Variants in MNAT1 observed in about 807,000 individuals in gnomAD.
MNAT1 encodes the protein MNAT1 component of CDK activating kinase.
Under a neutral mutation model 42.0 loss-of-function variants are expected in MNAT1, and 43 were observed. The observed-to-expected ratio is 1.02, with a 90% confidence interval of 0.80 to 1.32. The LOEUF is 1.32. MNAT1 is among the 40% of genes most tolerant of loss of function. MNAT1 has a pLI of 0.00. For synonymous variants in MNAT1, 118 were observed against 120.0 expected (o/e 0.98, Z 0.11); for missense variants, 306 against 350.4 (o/e 0.87, Z 1.01).
chr14:60,844,064 G>A (rs1594796605), intron 6 of MNAT1, among the ~76,000 whole-genome samples: 1 of 152,104 alleles, frequency 6.6e-6, no homozygotes, highest in African/African-American at 2.4e-5. Flanking sequence ...CATATTTGGT[G>A]CCTTTGTTGA....
chr14:60,822,517 C>G (rs540917866), intron 6 of MNAT1, among the ~76,000 whole-genome samples: 3 of 151,934 alleles, frequency 2.0e-5, no homozygotes, highest in Non-Finnish European at 4.4e-5. Context: ...TAGCCTACTT[C>G]TGGGCTCAAG....
chr14:60,897,590 G>T (rs528580741), intron 7 of MNAT1, among the ~76,000 whole-genome samples: 1 of 152,090 alleles, frequency 6.6e-6, no homozygotes, highest in South Asian at 2.1e-4. Context: ...CCAAAATTCT[G>T]CAGAATGAAA....
intron 7 of MNAT1, among the ~76,000 whole-genome samples, chr14:60,883,260 G>A (rs1478158338): frequency 6.6e-6 from 1 of 152,106 alleles, no homozygotes; most frequent in East Asian, 1.9e-4. Flanking sequence ...TGTATGTGGT[G>A]AGAGTTAGGG....
chr14:60,947,607 C>T (rs1166550973), intron 7 of MNAT1, among the ~76,000 whole-genome samples: 1 of 152,104 alleles, frequency 6.6e-6, no homozygotes, highest in Non-Finnish European at 1.5e-5. Flanking sequence ...CGCTTGAACC[C>T]GGGAGGCAGA....
At chr14:60,892,099 A>G (rs2034858021) in intron 7 of MNAT1, among the ~76,000 whole-genome samples, 1 of 152,094 alleles carries the variant, frequency 6.6e-6, no homozygotes, top group Non-Finnish European at 1.5e-5. Flanking sequence ...TTCCATGTGC[A>G]CTTTAGAGGA....
At chr14:60,754,196 C>T (rs2030226232) in intron 1 of MNAT1, among the ~76,000 whole-genome samples, 3 of 152,204 alleles carry the variant, frequency 2.0e-5, no homozygotes, top group Admixed American at 2.0e-4. Flanking sequence ...TTGTTTTAAG[C>T]TGTCAAGCTT....
At chr14:60,842,240 A>G (rs912142790) in intron 6 of MNAT1, among the ~76,000 whole-genome samples, 2 of 152,208 alleles carry the variant, frequency 1.3e-5, no homozygotes, top group African/African-American at 4.8e-5. Context: ...TAAAATACTT[A>G]TCTGCTCCTT....
chr14:60,869,987 A>C lies in MNAT1; in HGVS notation c.688-9727A>C, dbSNP rs4151279. Among the ~76,000 whole-genome samples, 600 of 152,272 alleles carry C rather than the reference A, an allele frequency of 3.9e-3. 19 individuals are homozygous for C. The East Asian group carries it at 0.07, about 18-fold the overall frequency. ...TAGATTAACAGACAAATCTTAGTAA[A>C]TTATAAACAATTTTTTGTAGTAGCT... is the stretch of plus-strand genomic sequence containing the variant. On this transcript the variant is annotated intron_variant, in intron 6 of 7. Transcript: ENST00000261245.
intron 5 of MNAT1, among the ~76,000 whole-genome samples, chr14:60,814,867 G>T (rs1004657617): frequency 4.6e-5 from 7 of 152,216 alleles, no homozygotes; most frequent in Non-Finnish European, 1.0e-4. Flanking sequence ...TGGCAGGTAT[G>T]GCTTTAACAG....
At chr14:60,928,407 T>C (rs2035808711) in intron 7 of MNAT1, among the ~76,000 whole-genome samples, 1 of 152,208 alleles carries the variant, frequency 6.6e-6, no homozygotes, top group South Asian at 2.1e-4. Flanking sequence ...ATGTAACAAA[T>C]TTGTATTTAA....
intron 1 of MNAT1, among the ~76,000 whole-genome samples, chr14:60,762,048 C>G (rs1368620224): frequency 6.6e-6 from 1 of 152,052 alleles, no homozygotes; most frequent in Admixed American, 6.6e-5. Context: ...TTCATTTTTT[C>G]TTTTTCCCAT....
At chr14:60,808,907 A>T (rs1475892075) in intron 4 of MNAT1, 1 of 152,168 alleles carries the variant, frequency 6.6e-6, no homozygotes, top group African/African-American at 2.4e-5. Flanking sequence ...ACATTTGTAA[A>T]CTAAGGTTAA....
At chr14:60,781,560 C>T (rs1213549684) in intron 1 of MNAT1, among the ~76,000 whole-genome samples, 1 of 152,128 alleles carries the variant, frequency 6.6e-6, no homozygotes, top group Non-Finnish European at 1.5e-5. Flanking sequence ...TTGGCCCCCA[C>T]AAAGTGCTGG....
At chr14:60,777,014 A>AT (rs912980072) in intron 1 of MNAT1, among the ~76,000 whole-genome samples, 5 of 151,674 alleles carry the variant, frequency 3.3e-5, no homozygotes, top group African/African-American at 9.7e-5. Flanking sequence ...CTCCCGGCTA[A>AT]TTTTTTTGTA....
At chr14:60,766,239 T>C (rs973578224) in intron 1 of MNAT1, among the ~76,000 whole-genome samples, 5 of 151,576 alleles carry the variant, frequency 3.3e-5, no homozygotes, top group African/African-American at 1.2e-4. Context: ...TCCCAGCTAC[T>C]TGGGAGGCGT....
chr14:60,798,238 C>T lies in MNAT1; in HGVS notation c.316+78C>T. On this transcript the variant is annotated intron_variant, in intron 3 of 7. Coordinates refer to ENST00000261245, the MANE Select transcript of MNAT1 (RefSeq NM_002431.4). ...TTTAAATGCTTAGGAGAACATCTCA[C>T]ATAAAAACCTCTTAACAGGTTTTGT... 4 of 730,338 alleles carry T rather than the reference C, an allele frequency of 5.5e-6. No homozygotes were observed. The East Asian group carries it at 7.8e-5, about 14-fold the overall frequency. 45.2% of individuals were successfully genotyped at this position (730,338 alleles called of 1,614,324 possible). A position where few individuals can be genotyped will look rare whatever the true frequency, so the allele number is the denominator to read the frequency against.
intron 7 of MNAT1, among the ~76,000 whole-genome samples, chr14:60,914,672 T>G (rs1310912986): frequency 6.6e-6 from 1 of 152,214 alleles, no homozygotes; most frequent in Non-Finnish European, 1.5e-5. Flanking sequence ...CCAAATTATC[T>G]TAATTTAGTC....
At chr14:60,911,431 G>T (rs926610229) in intron 7 of MNAT1, among the ~76,000 whole-genome samples, 65 of 152,152 alleles carry the variant, frequency 4.3e-4, no homozygotes, top group African/African-American at 1.4e-3. Context: ...GTCAATTTTA[G>T]ATCTTTCCTC....
chr14:60,950,759 T>C (rs753748373), intron 7 of MNAT1, among the ~76,000 whole-genome samples: 1 of 152,200 alleles, frequency 6.6e-6, no homozygotes, highest in Non-Finnish European at 1.5e-5. Context: ...TCGACGAAGC[T>C]TCATAATTTG....
Sources: gnomAD v4.1 joint callset for allele counts (sites outside exome capture counted in the v4.1 genomes callset) on GRCh38, gnomAD v4.1.1 for gene constraint, MANE v1.5 for transcripts, NCBI Gene and HGNC (gene_info 2026-07-23, HGNC 2026-07-21) for gene names.